The following CNTNAP5 variants were observed in gnomAD, a reference collection of about 807,000 sequenced individuals.
CNTNAP5 encodes the protein contactin associated protein family member 5, also known as contactin-associated protein-like 5.
CNTNAP5 carries 72 observed loss-of-function variants against 150.2 expected under a neutral mutation model. That is an observed-to-expected ratio of 0.48 (90% CI 0.40 to 0.58). The LOEUF is 0.58. Ranked by LOEUF, CNTNAP5 falls within the 20% of genes least tolerant of loss-of-function variation. The pLI, the probability that CNTNAP5 is intolerant of heterozygous loss-of-function variation, is 0.00. For synonymous variants in CNTNAP5, 672 were observed against 619.8 expected, an observed-to-expected ratio of 1.08 and a Z score of -1.25; for missense variants, 1,636 against 1,626.2, an observed-to-expected ratio of 1.01 and a Z score of -0.10.
chr2:124,686,915 T>A (rs974672495), intron 13 of CNTNAP5, among the ~76,000 whole-genome samples: 2 of 152,178 alleles, frequency 1.3e-5, no homozygotes, highest in Admixed American at 6.6e-5. Flanking sequence ...AAAGCAGCAC[T>A]GCCCAATAGA....
intron 12 of CNTNAP5, among the ~76,000 whole-genome samples, chr2:124,623,263 C>T (rs898326748): frequency 2.0e-5 from 3 of 152,142 alleles, no homozygotes; most frequent in East Asian, 1.9e-4. Flanking sequence ...CTTTCCCCAT[C>T]GTGATTCATA....
chr2:124,219,000 T>C (rs951883065), intron 1 of CNTNAP5, among the ~76,000 whole-genome samples: 1 of 152,158 alleles, frequency 6.6e-6, no homozygotes, highest in Admixed American at 6.6e-5. Context: ...TTTATAAATA[T>C]TGGTTGGACT....
intron 13 of CNTNAP5, among the ~76,000 whole-genome samples, chr2:124,737,290 C>CAAAA (rs35374514): frequency 2.4e-5 from 3 of 126,640 alleles, no homozygotes; most frequent in African/African-American, 8.7e-5. Flanking sequence ...GACTCCATCT[C>CAAAA]AAAAAAAAAA....
intron 1 of CNTNAP5, among the ~76,000 whole-genome samples, chr2:124,076,010 G>A (rs149735630): frequency 1.3e-5 from 2 of 152,112 alleles, no homozygotes; most frequent in Admixed American, 1.3e-4. Flanking sequence ...TCTGAAGTAG[G>A]AATTATGAGT....
intron 2 of CNTNAP5, among the ~76,000 whole-genome samples, chr2:124,236,695 A>C (rs974764726): frequency 1.3e-5 from 2 of 152,172 alleles, no homozygotes; most frequent in African/African-American, 4.8e-5. Context: ...AGTTAGCCTC[A>C]CAGTAATTTG....
intron 3 of CNTNAP5, among the ~76,000 whole-genome samples, chr2:124,293,154 A>G (rs1407067799): frequency 6.6e-6 from 1 of 150,410 alleles, no homozygotes; most frequent in East Asian, 1.9e-4. Context: ...AAAATTTTTA[A>G]ATTTTTTTAT....
chr2:124,244,604 GC>G (rs1394523763), intron 3 of CNTNAP5, among the ~76,000 whole-genome samples: 2 of 152,116 alleles, frequency 1.3e-5, no homozygotes, highest in African/African-American at 2.4e-5. Flanking sequence ...TTCAGGAGCA[GC>G]CTTTTACTAA....
At chr2:124,758,418 T>C (rs1680886498) in intron 14 of CNTNAP5, among the ~76,000 whole-genome samples, 2 of 152,012 alleles carry the variant, frequency 1.3e-5, no homozygotes, top group Admixed American at 1.3e-4. Flanking sequence ...CAAATAAATA[T>C]ATATTCATGA....
chr2:124,650,661 A>C (rs141566631), intron 13 of CNTNAP5, among the ~76,000 whole-genome samples: 46 of 152,332 alleles, frequency 3.0e-4, no homozygotes, highest in African/African-American at 1.1e-3. Context: ...TCTGTGGTCT[A>C]TGCTGGGAAG....
At chr2:124,226,846 G>A (rs945254151) in intron 2 of CNTNAP5, among the ~76,000 whole-genome samples, 15 of 152,080 alleles carry the variant, frequency 9.9e-5, no homozygotes, top group African/African-American at 3.6e-4. Context: ...ATAGCAAGGT[G>A]CCTGAGTGCT....
chr2:124,187,649 A>C (rs1477190304), intron 1 of CNTNAP5, among the ~76,000 whole-genome samples: 1 of 152,168 alleles, frequency 6.6e-6, no homozygotes, highest in African/African-American at 2.4e-5. Flanking sequence ...TAGGAACTTC[A>C]CTGGTATAAA....
intron 19 of CNTNAP5, among the ~76,000 whole-genome samples, chr2:124,802,580 T>C (rs984246155): frequency 1.3e-5 from 2 of 152,158 alleles, no homozygotes; most frequent in African/African-American, 4.8e-5. Flanking sequence ...TCTCTGAGTC[T>C]GGACGGTTGG....
chr2:124,027,991 G>A (rs890747222), intron 1 of CNTNAP5, among the ~76,000 whole-genome samples: 10 of 151,966 alleles, frequency 6.6e-5, no homozygotes, highest in Non-Finnish European at 1.2e-4. Context: ...ATTAAATATA[G>A]GACTTGGGTT....
chr2:124,047,894 T>G (rs1380828314), intron 1 of CNTNAP5, among the ~76,000 whole-genome samples: 3 of 152,152 alleles, frequency 2.0e-5, no homozygotes, highest in Non-Finnish European at 4.4e-5. Context: ...CCCAGAGCAT[T>G]GTTTCTGGTG....
intron 1 of CNTNAP5, among the ~76,000 whole-genome samples, chr2:124,132,165 T>C (rs1683867157): frequency 6.6e-6 from 1 of 152,186 alleles, no homozygotes. Flanking sequence ...AGGGCCCATT[T>C]TCAGACTACA....
intron 8 of CNTNAP5, among the ~76,000 whole-genome samples, chr2:124,507,766 A>G (rs182930003): frequency 1.3e-5 from 2 of 152,304 alleles, no homozygotes; most frequent in African/African-American, 4.8e-5. Context: ...TTGCAGGGCT[A>G]CTTCTTTTGG....
At chr2:124,356,262 T>C (rs1690001449) in intron 3 of CNTNAP5, among the ~76,000 whole-genome samples, 1 of 151,962 alleles carries the variant, frequency 6.6e-6, no homozygotes, top group Admixed American at 6.6e-5. Flanking sequence ...CACTTTACTT[T>C]AGAAATATGC....
At chr2:124,422,326 A>T (rs774808343) in intron 4 of CNTNAP5, among the ~76,000 whole-genome samples, 3 of 152,192 alleles carry the variant, frequency 2.0e-5, no homozygotes, top group Admixed American at 1.3e-4. Context: ...AAATATTAAC[A>T]TATTTCTTCC....
intron 18 of CNTNAP5, among the ~76,000 whole-genome samples, chr2:124,796,334 A>G (rs759499098): frequency 6.6e-6 from 1 of 152,284 alleles, no homozygotes; most frequent in South Asian, 2.1e-4. Flanking sequence ...ACACACACAA[A>G]TATCAAATAA....
Sources: gnomAD v4.1 joint callset for allele counts (sites outside exome capture counted in the v4.1 genomes callset) on GRCh38, gnomAD v4.1.1 for gene constraint, MANE v1.5 for transcripts, NCBI Gene and HGNC (gene_info 2026-07-23, HGNC 2026-07-21) for gene names.